Variants in DYM observed in about 807,000 individuals in gnomAD.
DYM encodes dymeclin, also known as dyggve-Melchior-Clausen syndrome protein.
A neutral mutation model predicts 93.1 loss-of-function variants in DYM; 78 were observed. The observed-to-expected ratio is 0.84, with a 90% CI of 0.70 to 1.01. The LOEUF is 1.01. Among genes scored for constraint, DYM ranks in the 50% least tolerant of loss-of-function variants. The pLI is 0.00. For missense variants in DYM, 789 were observed against 845.0 expected, an observed-to-expected ratio of 0.93 and a Z score of 0.82; for synonymous variants, 321 against 319.7, an observed-to-expected ratio of 1.00 and a Z score of -0.04.
At chr18:49,139,512 C>T (rs777148381) in intron 15 of DYM, among the ~76,000 whole-genome samples, 3 of 152,004 alleles carry the variant, frequency 2.0e-5, no homozygotes, top group Non-Finnish European at 2.9e-5. Flanking sequence ...TTGAGGGAGA[C>T]AACTAAAATG....
chr18:49,376,560 G>A (rs970466073), intron 5 of DYM, among the ~76,000 whole-genome samples: 1 of 152,220 alleles, frequency 6.6e-6, no homozygotes, highest in East Asian at 1.9e-4. Flanking sequence ...AAGAGCTCTT[G>A]CCTGCTAAAT....
intron 17 of DYM, among the ~76,000 whole-genome samples, chr18:49,080,998 G>A (rs2077942284): frequency 6.6e-6 from 1 of 150,974 alleles, no homozygotes; most frequent in Non-Finnish European, 1.5e-5. Flanking sequence ...CGGCCGGGCA[G>A]AGACGCTCCT....
At chr18:49,310,212 C>A (rs1000827065) in intron 8 of DYM, among the ~76,000 whole-genome samples, 3 of 152,086 alleles carry the variant, frequency 2.0e-5, no homozygotes, top group Non-Finnish European at 4.4e-5. Context: ...ATTTAATTAG[C>A]TAAGTTTATA....
At chr18:49,270,316 T>C (rs1036015055) in intron 11 of DYM, among the ~76,000 whole-genome samples, 1 of 152,210 alleles carries the variant, frequency 6.6e-6, no homozygotes, top group African/African-American at 2.4e-5. Context: ...GAGATTATTC[T>C]AAGTGAAATA....
intron 8 of DYM, among the ~76,000 whole-genome samples, chr18:49,305,096 C>T (rs1440448165): frequency 6.6e-6 from 1 of 152,112 alleles, no homozygotes; most frequent in Non-Finnish European, 1.5e-5. Flanking sequence ...TTCTCATTGT[C>T]CATCGCCATC....
At chr18:49,217,004 G>A (rs1420533032) in intron 13 of DYM, among the ~76,000 whole-genome samples, 11 of 152,078 alleles carry the variant, frequency 7.2e-5, no homozygotes, top group Non-Finnish European at 1.5e-4. Flanking sequence ...TAAATACTTC[G>A]AAAAAAATTT....
intron 10 of DYM, among the ~76,000 whole-genome samples, chr18:49,273,611 A>G (rs1019427501): frequency 6.6e-6 from 1 of 152,168 alleles, no homozygotes; most frequent in African/African-American, 2.4e-5. Context: ...AAGTGCCTGC[A>G]GTATTTAGTA....
At chr18:49,213,597 C>T (rs10469000) in intron 13 of DYM, among the ~76,000 whole-genome samples, 30,811 of 152,030 alleles carry the variant, frequency 0.2, 3,176 homozygotes, top group East Asian at 0.27. Context: ...ATTACAGGCA[C>T]GAGCCACAGT....
intron 1 of DYM, among the ~76,000 whole-genome samples, chr18:49,457,139 G>T (rs531596997): frequency 6.6e-6 from 1 of 152,188 alleles, no homozygotes; most frequent in Admixed American, 6.5e-5. Context: ...CCTGAGAAGA[G>T]GCTGCTTCAA....
At chr18:49,342,166 T>A (rs1474672281) in intron 6 of DYM, among the ~76,000 whole-genome samples, 1 of 152,222 alleles carries the variant, frequency 6.6e-6, no homozygotes, top group Admixed American at 6.5e-5. Context: ...GTTTTCTTGC[T>A]GGGTGTAAAC....
chr18:49,230,285 A>G (rs1232590587), intron 13 of DYM, among the ~76,000 whole-genome samples: 2 of 152,212 alleles, frequency 1.3e-5, no homozygotes, highest in African/African-American at 4.8e-5. Flanking sequence ...AACTGTATTC[A>G]AGGGAAGAAG....
chr18:49,257,133 A>T lies in DYM; in HGVS notation c.1366-29T>A, dbSNP rs776062281. On this transcript the variant is annotated intron_variant, in intron 12 of 17. Coordinates refer to ENST00000675505, the MANE Select transcript of DYM (RefSeq NM_001353214.3). ...TGAGGAAACAGCGGGTGTAAAACAT[A>T]CAATCAAGTCTTCTCTATATTTTAA... The T allele has an allele frequency of 2.0e-6, 3 of 1,527,446 alleles. No homozygotes were observed. The Admixed American group carries it at 5.0e-5, about 26-fold the overall frequency. The allele number at this position is 1,527,446 out of a possible 1,614,324, so 94.6% of individuals were successfully genotyped here.
intron 13 of DYM, among the ~76,000 whole-genome samples, chr18:49,241,263 C>T (rs2094000926): frequency 1.3e-5 from 2 of 152,146 alleles, no homozygotes; most frequent in Admixed American, 1.3e-4. Context: ...ATGATGTCTG[C>T]CTATCCTTTT....
intron 11 of DYM, among the ~76,000 whole-genome samples, chr18:49,262,173 C>A: frequency 6.6e-6 from 1 of 152,108 alleles, no homozygotes; most frequent in East Asian, 1.9e-4. Flanking sequence ...GAGACAGACA[C>A]CTCCTGAGAG....
intron 5 of DYM, among the ~76,000 whole-genome samples, chr18:49,374,392 A>G (rs1223143148): frequency 2.0e-5 from 3 of 152,164 alleles, no homozygotes; most frequent in Non-Finnish European, 4.4e-5. Flanking sequence ...TTCAGAAACA[A>G]CTTAGAAGGT....
chr18:49,363,063 A>G, intron 6 of DYM, 98 bp downstream of exon 6: 2 of 912,676 alleles, frequency 2.2e-6, no homozygotes, highest in South Asian at 1.3e-5. Context: ...GCACACATAT[A>G]AGTTCTATAC....
chr18:49,274,225 C>A (rs571970249), intron 10 of DYM, among the ~76,000 whole-genome samples: 2 of 152,220 alleles, frequency 1.3e-5, no homozygotes, highest in Admixed American at 6.6e-5. Flanking sequence ...CTATTCTGGA[C>A]TTCCGTATGA....
intron 8 of DYM, among the ~76,000 whole-genome samples, chr18:49,307,798 A>T (rs796691554): frequency 3.3e-5 from 5 of 152,352 alleles, no homozygotes; most frequent in African/African-American, 1.2e-4. Flanking sequence ...TCCTTTGAAT[A>T]AAAGCAACAA....
At chr18:49,422,451 T>G (rs1333027357) in intron 2 of DYM, among the ~76,000 whole-genome samples, 1 of 152,134 alleles carries the variant, frequency 6.6e-6, no homozygotes, top group African/African-American at 2.4e-5. Context: ...CATGCCAAAT[T>G]GTAAAGACCA....
Sources: allele counts gnomAD v4.1 joint callset (sites outside exome capture counted in the v4.1 genomes callset), GRCh38; gene constraint gnomAD v4.1.1; transcripts MANE v1.5; gene names NCBI Gene and HGNC (gene_info 2026-07-23, HGNC 2026-07-21).